Variants in AGAP1 observed in about 807,000 individuals in gnomAD.
AGAP1 encodes the protein ArfGAP with GTPase domain, ankyrin repeat and PH domain 1, also known as arf-GAP with GTPase, ANK repeat and PH domain-containing protein 1.
In AGAP1, 29 loss-of-function variants were observed where a neutral mutation model predicts 105.3. That is an observed-to-expected ratio of 0.28 (90% CI 0.21 to 0.38). AGAP1 has a LOEUF of 0.38. Ranked by LOEUF, AGAP1 falls within the 10% of genes least tolerant of loss-of-function variation. The pLI is 1.00. For synonymous variants in AGAP1, 509 were observed against 485.9 expected (o/e 1.05, Z -0.63); for missense variants, 998 against 1,165.1 (o/e 0.86, Z 2.09).
intron 1 of AGAP1, among the ~76,000 whole-genome samples, chr2:235,661,044 T>C (rs1947930524): frequency 6.6e-6 from 1 of 152,104 alleles, no homozygotes; most frequent in South Asian, 2.1e-4. Context: ...CCGAACAGAA[T>C]TGTACCCTCA....
intron 9 of AGAP1, among the ~76,000 whole-genome samples, chr2:235,876,648 G>C (rs2049747676): frequency 6.6e-6 from 1 of 152,134 alleles, no homozygotes; most frequent in Admixed American, 6.5e-5. Flanking sequence ...ACCCCACTGG[G>C]CCACGACAAC....
intron 6 of AGAP1, among the ~76,000 whole-genome samples, chr2:235,773,321 A>G (rs1231384016): frequency 2.6e-5 from 4 of 152,192 alleles, no homozygotes; most frequent in Non-Finnish European, 4.4e-5. Flanking sequence ...CAAAGGTTAC[A>G]CTTCTATGCA....
At position 235,667,959 on chromosome 2, in the gene AGAP1, C is replaced by CAAA. The variant is rs142657060; in HGVS notation, c.164-41197_164-41195dup. On this transcript the variant is annotated intron_variant, in intron 1 of 17. Coordinates refer to ENST00000304032, the MANE Select transcript of AGAP1 (RefSeq NM_001037131.3). ...GGCAAGAGCGAGTGAGCCTCTGTCT[C>CAAA]AAAAAAAAAAAAAAAAAAAAAAAAA... Among the ~76,000 whole-genome samples the CAAA allele has an allele frequency of 3.4e-3, 211 of 61,928 alleles. 6 individuals carry two copies. The highest frequency in any genetic ancestry group is 0.01 in the African/African-American group (151 of 14,904). 40.6% of individuals were successfully genotyped at this position (61,928 alleles called of 152,430 possible). A position where few individuals can be genotyped will look rare whatever the true frequency, so the allele number is the denominator to read the frequency against.
chr2:236,049,178 G>T lies in AGAP1; in HGVS notation c.2011G>T (p.Val671Phe), dbSNP rs2034648. 21 of 1,614,026 alleles carry T rather than the reference G, an allele frequency of 1.3e-5. No individual in the cohort carries two copies. The highest frequency in any genetic ancestry group is 1.8e-5 in the Non-Finnish European group (21 of 1,180,002). ...VRSLDLDDWPVELIKVMSSIG... is the reference protein window; with the variant it reads ...VRSLDLDDWPFELIKVMSSIG... ...ATCTCTGGACCTGGATGACTGGCCA[G>T]TCGAGCTCATCAAGGTGATGTCATC... Residue 671 changes from valine (V) to phenylalanine (F), a missense_variant, in exon 16 of 18, where the codon GTC becomes TTC. Transcript: ENST00000304032.
Position 236,001,596 on chromosome 2 carries a change from A to C in AGAP1, c.1645+32973A>C, listed in dbSNP as rs2056123953. On this transcript the variant is annotated intron_variant, in intron 13 of 17. Transcript: ENST00000304032. This position sits in a 1 kb window ranked among gnomAD's most constrained non-coding sequence, Gnocchi z 4.7. ...GCTGGCAGGACTTGCTGAAAGAGTT[A>C]ATATGGGAAGTGAGAGGACACAGAG... 6.6e-6 allele frequency among the ~76,000 whole-genome samples: 1 copy of C among 152,124 alleles called. No homozygotes were observed. Among genetic ancestry groups the C allele is most frequent in the Non-Finnish European group, 1.5e-5 (1 of 68,022 alleles).
intron 1 of AGAP1, among the ~76,000 whole-genome samples, chr2:235,505,290 C>T (rs913112172): frequency 2.6e-5 from 4 of 152,198 alleles, no homozygotes; most frequent in African/African-American, 7.2e-5. Flanking sequence ...TGTTCCAGCG[C>T]TGTGTCCTGG....
At chr2:235,770,160 C>A (rs995291095) in intron 6 of AGAP1, among the ~76,000 whole-genome samples, 4 of 132,494 alleles carry the variant, frequency 3.0e-5, no homozygotes, top group Non-Finnish European at 4.9e-5. Context: ...CGGAGTCTCA[C>A]TGTATCGCCC....
chr2:235,844,363 C>G (rs113649924), intron 9 of AGAP1, among the ~76,000 whole-genome samples: 175 of 152,334 alleles, frequency 1.1e-3, no homozygotes, highest in African/African-American at 4.0e-3. Context: ...CCCTCACTTG[C>G]GCCCTCCTCA....
intron 1 of AGAP1, among the ~76,000 whole-genome samples, chr2:235,675,775 G>A (rs1183284379): frequency 6.6e-6 from 1 of 152,164 alleles, no homozygotes; most frequent in Non-Finnish European, 1.5e-5. Context: ...ACCGCTGTGG[G>A]CTGTGTCCTG....
intron 8 of AGAP1, among the ~76,000 whole-genome samples, chr2:235,804,433 C>T (rs543630622): frequency 2.0e-5 from 3 of 152,244 alleles, no homozygotes; most frequent in South Asian, 2.1e-4. Flanking sequence ...ATTCATAGTG[C>T]GAAGAGAACT....
intron 10 of AGAP1, among the ~76,000 whole-genome samples, chr2:235,899,726 C>A (rs2050974436): frequency 6.6e-6 from 1 of 152,134 alleles, no homozygotes; most frequent in Non-Finnish European, 1.5e-5. Flanking sequence ...TGTGTTGGCT[C>A]CTTGAAGTTC....
intron 6 of AGAP1, among the ~76,000 whole-genome samples, chr2:235,778,072 G>C (rs772523433): frequency 2.6e-5 from 4 of 152,046 alleles, no homozygotes; most frequent in Non-Finnish European, 5.9e-5. Context: ...CTGAGCTTGA[G>C]ACTTAAATAT....
At chr2:235,862,792 T>C (rs2048982957) in intron 9 of AGAP1, among the ~76,000 whole-genome samples, 1 of 152,204 alleles carries the variant, frequency 6.6e-6, no homozygotes, top group African/African-American at 2.4e-5. Context: ...GTCAGGATCC[T>C]GAGGGCAGCC....
At chr2:235,839,406 G>C (rs1960541986) in intron 9 of AGAP1, among the ~76,000 whole-genome samples, 1 of 152,168 alleles carries the variant, frequency 6.6e-6, no homozygotes, top group Non-Finnish European at 1.5e-5. Flanking sequence ...ATTCTCTAGT[G>C]TTTCCCATTT....
chr2:235,912,672 G>A (rs1575762957), intron 11 of AGAP1, among the ~76,000 whole-genome samples: 1 of 152,048 alleles, frequency 6.6e-6, no homozygotes. Context: ...TGATTCATTC[G>A]GTTGGTATAA....
At chr2:235,984,193 T>TA (rs2055207765) in intron 13 of AGAP1, among the ~76,000 whole-genome samples, 1 of 152,256 alleles carries the variant, frequency 6.6e-6, no homozygotes, top group Non-Finnish European at 1.5e-5. Flanking sequence ...TGGCATCTTA[T>TA]ATTTGGCATA....
At chr2:235,671,939 G>T (rs2149363568) in intron 1 of AGAP1, among the ~76,000 whole-genome samples, 1 of 152,274 alleles carries the variant, frequency 6.6e-6, no homozygotes, top group Admixed American at 6.5e-5. Context: ...CCCTGAGGGG[G>T]ATTCTGGGGG....
At chr2:235,676,296 C>G (rs780220952) in intron 1 of AGAP1, among the ~76,000 whole-genome samples, 7 of 152,246 alleles carry the variant, frequency 4.6e-5, no homozygotes, top group Non-Finnish European at 1.0e-4. Flanking sequence ...CCTGCCACTT[C>G]TAACTAGTGA....
chr2:236,109,506 C>T lies in AGAP1; in HGVS notation c.2115-10686C>T, dbSNP rs2059589736. On this transcript the variant is annotated intron_variant, in intron 16 of 17. Transcript: ENST00000304032. This position sits in a 1 kb window ranked among gnomAD's most constrained non-coding sequence, Gnocchi z 5.4. ...ACTGAGATGATCTAGATCCGTGCAT[C>T]CTCTGTAATGGCAGAAGTGTTCTCG... 6.6e-6 allele frequency among the ~76,000 whole-genome samples: 1 copy of T among 152,090 alleles called. No individual in the cohort carries two copies. Among genetic ancestry groups the T allele is most frequent in the African/African-American group, 2.4e-5 (1 of 41,402 alleles).
Sources: allele counts gnomAD v4.1 joint callset (sites outside exome capture counted in the v4.1 genomes callset), GRCh38; gene constraint gnomAD v4.1.1; non-coding constraint Gnocchi (gnomAD v3.1); transcripts MANE v1.5; gene names NCBI Gene and HGNC (gene_info 2026-07-23, HGNC 2026-07-21).